Variants in UBR3 observed in about 807,000 individuals in gnomAD.
UBR3 encodes the protein ubiquitin protein ligase E3 component n-recognin 3, also known as E3 ubiquitin-protein ligase UBR3.
A neutral mutation model predicts 243.2 loss-of-function variants in UBR3; 85 were observed. The observed-to-expected ratio is 0.35, with a 90% CI of 0.29 to 0.42. The LOEUF is 0.42. Ranked by LOEUF, UBR3 falls within the 10% of genes least tolerant of loss-of-function variation. UBR3 has a pLI of 1.00. For synonymous variants in UBR3, 748 were observed against 799.8 expected (o/e 0.94, Z 1.09); for missense variants, 1,686 against 2,300.8 (o/e 0.73, Z 5.47).
At chr2:169,983,671 G>C (rs181887796) in intron 24 of UBR3, among the ~76,000 whole-genome samples, 7 of 152,256 alleles carry the variant, frequency 4.6e-5, no homozygotes, top group Non-Finnish European at 8.8e-5. Flanking sequence ...GAAGAGCATG[G>C]ATACAGGGAG....
chr2:169,861,642 A>G (rs1471654658), intron 1 of UBR3, among the ~76,000 whole-genome samples: 7 of 151,692 alleles, frequency 4.6e-5, no homozygotes, highest in African/African-American at 1.4e-4. Context: ...AGAAAAGCCC[A>G]TGGGCATTTA....
chr2:169,965,973 TC>T (rs2087788125), intron 24 of UBR3, among the ~76,000 whole-genome samples: 1 of 152,136 alleles, frequency 6.6e-6, no homozygotes, highest in African/African-American at 2.4e-5. Flanking sequence ...ATGTTATAAA[TC>T]CTCTAATCAA....
At chr2:169,862,770 CTT>C (rs1559033500) in intron 1 of UBR3, among the ~76,000 whole-genome samples, 2 of 151,994 alleles carry the variant, frequency 1.3e-5, no homozygotes, top group African/African-American at 4.8e-5. Flanking sequence ...TCCTAAATAT[CTT>C]TTGATAATTT....
intron 24 of UBR3, among the ~76,000 whole-genome samples, chr2:169,975,415 A>C (rs1477245825): frequency 6.6e-6 from 1 of 152,186 alleles, no homozygotes; most frequent in Non-Finnish European, 1.5e-5. Flanking sequence ...AATGAAAAGA[A>C]TGTGTATTCT....
intron 30 of UBR3, among the ~76,000 whole-genome samples, chr2:170,023,440 C>T (rs1471569887): frequency 2.7e-5 from 4 of 150,940 alleles, no homozygotes; most frequent in African/African-American, 9.8e-5. Context: ...GACGGAGTCT[C>T]ACTCTGTTGC....
At chr2:169,878,639 AT>A in intron 5 of UBR3, 65 bp downstream of exon 5, 1 of 1,330,588 alleles carries the variant, frequency 7.5e-7, no homozygotes, top group Non-Finnish European at 1.0e-6. Flanking sequence ...CTTTTTTATT[AT>A]TTTATACTTC....
intron 8 of UBR3, among the ~76,000 whole-genome samples, chr2:169,901,710 C>T (rs2084829978): frequency 6.6e-6 from 1 of 152,188 alleles, no homozygotes; most frequent in South Asian, 2.1e-4. Context: ...GGGAAAAAGC[C>T]TTATAGTAGT....
chr2:170,020,554 G>C (rs1243414119), intron 30 of UBR3, among the ~76,000 whole-genome samples: 1 of 152,162 alleles, frequency 6.6e-6, no homozygotes, highest in Non-Finnish European at 1.5e-5. Context: ...TCTGTCTCCT[G>C]ACAGATGTTC....
At chr2:169,883,100 T>C (rs1255122897) in intron 5 of UBR3, among the ~76,000 whole-genome samples, 2 of 152,224 alleles carry the variant, frequency 1.3e-5, no homozygotes, top group Non-Finnish European at 2.9e-5. Context: ...TTGCTCACAA[T>C]TTTATGACTT....
At chr2:169,987,298 C>A (rs954718135) in intron 25 of UBR3, among the ~76,000 whole-genome samples, 16 of 147,950 alleles carry the variant, frequency 1.1e-4, no homozygotes, top group African/African-American at 4.0e-4. Context: ...GAGCCTGAGG[C>A]AGGAGAATCG....
chr2:170,063,616 T>C (rs1401752905), intron 35 of UBR3, among the ~76,000 whole-genome samples: 1 of 152,180 alleles, frequency 6.6e-6, no homozygotes, highest in African/African-American at 2.4e-5. Flanking sequence ...CTGAGTAGCA[T>C]GATGAAATCT....
chr2:170,007,681 T>C (rs1166470878), intron 28 of UBR3, among the ~76,000 whole-genome samples: 3 of 152,076 alleles, frequency 2.0e-5, no homozygotes, highest in Admixed American at 6.5e-5. Flanking sequence ...CTGACCAACA[T>C]GGCAAAACCG....
chr2:170,080,809 A>G (rs2091892768), intron 38 of UBR3, 125 bp downstream of exon 38: 1 of 1,085,814 alleles, frequency 9.2e-7, no homozygotes, highest in South Asian at 1.9e-5. Context: ...TCATTAATTT[A>G]GAGCTATTTC....
chr2:169,841,569 G>A (rs2082289429), intron 1 of UBR3, among the ~76,000 whole-genome samples: 3 of 152,230 alleles, frequency 2.0e-5, no homozygotes, highest in Admixed American at 1.3e-4. Context: ...TGCGTGCGGC[G>A]CTTGCGGGCC....
chr2:169,914,364 C>A (rs1054516245), intron 11 of UBR3, among the ~76,000 whole-genome samples: 1 of 152,162 alleles, frequency 6.6e-6, no homozygotes, highest in Non-Finnish European at 1.5e-5. Flanking sequence ...ACTAATATGT[C>A]TGCTTATTTC....
At chr2:170,023,877 A>G (rs780424387) in intron 30 of UBR3, among the ~76,000 whole-genome samples, 56 of 151,754 alleles carry the variant, frequency 3.7e-4, no homozygotes, top group Non-Finnish European at 6.9e-4. Context: ...TGCCCGGCCT[A>G]ATTTTTGTAT....
intron 19 of UBR3, among the ~76,000 whole-genome samples, chr2:169,939,598 C>T (rs2086499074): frequency 6.7e-6 from 1 of 148,790 alleles, no homozygotes; most frequent in Non-Finnish European, 1.5e-5. Flanking sequence ...CAGTCTCACT[C>T]TGTCTTCCAG....
intron 5 of UBR3, among the ~76,000 whole-genome samples, chr2:169,881,525 A>G (rs1433400115): frequency 6.6e-6 from 1 of 151,332 alleles, no homozygotes; most frequent in Non-Finnish European, 1.5e-5. Context: ...CATATTTTCC[A>G]AAGGGATAAA....
intron 5 of UBR3, among the ~76,000 whole-genome samples, chr2:169,888,107 G>T (rs1199256835): frequency 3.2e-5 from 4 of 125,888 alleles, no homozygotes; most frequent in South Asian, 2.7e-4. Flanking sequence ...TCTGTGTTAT[G>T]ACTTTATTTA....
Sources: gnomAD v4.1 joint callset for allele counts (sites outside exome capture counted in the v4.1 genomes callset) on GRCh38, gnomAD v4.1.1 for gene constraint, MANE v1.5 for transcripts, NCBI Gene and HGNC (gene_info 2026-07-23, HGNC 2026-07-21) for gene names.